Variants in ALPK2 observed in about 807,000 individuals in gnomAD.
The protein encoded by ALPK2 is alpha kinase 2.
In ALPK2, 127 loss-of-function variants were observed where a neutral mutation model predicts 163.1. The observed-to-expected ratio is 0.78, with a 90% CI of 0.67 to 0.90. ALPK2 has a LOEUF of 0.90. Among genes scored for constraint, ALPK2 ranks in the 40% least tolerant of loss-of-function variants. The pLI, the probability that ALPK2 is intolerant of heterozygous loss-of-function variation, is 0.00. For synonymous variants in ALPK2, 953 were observed against 959.1 expected (o/e 0.99, Z 0.12); for missense variants, 2,360 against 2,589.6 (o/e 0.91, Z 1.92).
intron 9 of ALPK2, among the ~76,000 whole-genome samples, chr18:58,516,657 A>G (rs983407143): frequency 2.0e-5 from 3 of 152,196 alleles, no homozygotes; most frequent in Admixed American, 1.3e-4. Context: ...AACAAAATCA[A>G]TTATATCTCG....
rs1262801921 is a variant in ALPK2, at chr18:58,517,301, A to G, written c.5666-119T>C. Reference sequence around the variant, plus strand: ...GACAAGGCTGACCTGCAGAACCAAGAGGGGGCAGACACACTTAACCCTTCA... The same window carrying G: ...GACAAGGCTGACCTGCAGAACCAAGGGGGGGCAGACACACTTAACCCTTCA... On this transcript the variant is annotated intron_variant, in intron 8 of 12. Coordinates refer to ENST00000361673, the MANE Select transcript of ALPK2 (RefSeq NM_052947.4). 20 of 1,031,756 alleles carry G rather than the reference A, an allele frequency of 1.9e-5. No individual in the cohort carries two copies. In the East Asian group the frequency reaches 5.2e-4, roughly 27 times the overall value. 63.9% of individuals were successfully genotyped at this position (1,031,756 alleles called of 1,614,324 possible). A position where few individuals can be genotyped will look rare whatever the true frequency, so the allele number is the denominator to read the frequency against.
At chr18:58,514,970 C>T (rs1375319385) in intron 10 of ALPK2, 23 bp downstream of exon 10, 2 of 1,591,508 alleles carry the variant, frequency 1.3e-6, no homozygotes, top group East Asian at 2.3e-5. Flanking sequence ...GAGTGTGACA[C>T]AAGGCAGGGT....
intron 3 of ALPK2, among the ~76,000 whole-genome samples, chr18:58,597,966 G>A (rs2052049345): frequency 6.6e-6 from 1 of 152,204 alleles, no homozygotes; most frequent in East Asian, 1.9e-4. Flanking sequence ...CAGGAAGAGG[G>A]CCCTTACCAG....
At chr18:58,488,932 A>T (rs1443622736) in intron 12 of ALPK2, among the ~76,000 whole-genome samples, 1 of 152,128 alleles carries the variant, frequency 6.6e-6, no homozygotes, top group African/African-American at 2.4e-5. Flanking sequence ...TTCATTTTTC[A>T]TGTGTACTCA....
chr18:58,608,174 C>T (rs983583026), intron 2 of ALPK2, among the ~76,000 whole-genome samples: 7 of 152,148 alleles, frequency 4.6e-5, no homozygotes, highest in Admixed American at 6.5e-5. Context: ...AAAGTTAGTG[C>T]GTTAGTTATG....
At chr18:58,486,217 A>T (rs1218861079) in intron 12 of ALPK2, among the ~76,000 whole-genome samples, 1 of 152,188 alleles carries the variant, frequency 6.6e-6, no homozygotes, top group Non-Finnish European at 1.5e-5. Context: ...AGCTGGAGTC[A>T]GGCAGCAGAG....
chr18:58,550,244 A>G (rs911182030), intron 4 of ALPK2, among the ~76,000 whole-genome samples: 24 of 138,052 alleles, frequency 1.7e-4, no homozygotes, highest in Non-Finnish European at 3.2e-4. Flanking sequence ...TACAACCCAC[A>G]TTCTGGTGTC....
Position 58,580,424 on chromosome 18 carries a change from C to T in ALPK2, c.352G>A (p.Glu118Lys), listed in dbSNP as rs1220702575. 1 of 1,614,142 alleles carries T rather than the reference C, an allele frequency of 6.2e-7. No homozygotes were observed. The highest frequency in any genetic ancestry group is 1.7e-5 in the Admixed American group (1 of 60,024). ...SENPQLSPNLEDDRDRGWKHE... is the reference protein window; with the variant it reads ...SENPQLSPNLKDDRDRGWKHE... ...TTCCAACCCCTGTCCCTGTCATCTT[C>T]CAGGTTAGGAGACAATTGTGGGTTC... Residue 118 changes from glutamate to lysine, a missense_variant, in exon 4 of 13, where the codon GAA (glutamate) becomes AAA (lysine). Glu to Lys is a moderately conservative substitution (Grantham distance 56, BLOSUM62 1). Coordinates refer to ENST00000361673, the MANE Select transcript of ALPK2 (RefSeq NM_052947.4).
At chr18:58,616,846 C>T (rs2052171866) in intron 1 of ALPK2, among the ~76,000 whole-genome samples, 1 of 152,124 alleles carries the variant, frequency 6.6e-6, no homozygotes, top group African/African-American at 2.4e-5. Flanking sequence ...GGAACCCCAA[C>T]TTGAAGCCAG....
chr18:58,567,956 T>G (rs1027038069), intron 4 of ALPK2, among the ~76,000 whole-genome samples: 4 of 152,150 alleles, frequency 2.6e-5, no homozygotes, highest in Non-Finnish European at 5.9e-5. Flanking sequence ...CTCCGCACCC[T>G]CAAGCTGGCT....
chr18:58,574,951 C>T (rs981782156), intron 4 of ALPK2, among the ~76,000 whole-genome samples: 19 of 152,130 alleles, frequency 1.2e-4, no homozygotes, highest in African/African-American at 3.9e-4. Flanking sequence ...TGGTGGCTCA[C>T]GCCTGTAATC....
At chr18:58,623,006 A>C (rs1194227207) in intron 1 of ALPK2, among the ~76,000 whole-genome samples, 2 of 151,690 alleles carry the variant, frequency 1.3e-5, no homozygotes, top group African/African-American at 4.8e-5. Flanking sequence ...ACCAACCCTG[A>C]GTGTAGTTAA....
chr18:58,627,681 A>T (rs1353890629), intron 1 of ALPK2, among the ~76,000 whole-genome samples: 1 of 152,194 alleles, frequency 6.6e-6, no homozygotes, highest in Admixed American at 6.5e-5. Context: ...TATATTTGGG[A>T]GCTAAAGTTC....
intron 2 of ALPK2, 47 bp from the exon 3 acceptor site, chr18:58,607,486 AG>A (rs762012978): frequency 8.0e-7 from 1 of 1,252,436 alleles, no homozygotes; most frequent in Non-Finnish European, 1.1e-6. Flanking sequence ...AAGTATTTTT[AG>A]GAAAAAAAAA....
At chr18:58,546,803 C>G (rs1019043877) in intron 4 of ALPK2, among the ~76,000 whole-genome samples, 6 of 152,076 alleles carry the variant, frequency 3.9e-5, no homozygotes, top group African/African-American at 1.2e-4. Flanking sequence ...ATGAGAGAGA[C>G]AGAGTGAGCC....
intron 1 of ALPK2, among the ~76,000 whole-genome samples, chr18:58,622,236 A>C (rs2052205807): frequency 6.6e-6 from 1 of 152,084 alleles, no homozygotes; most frequent in South Asian, 2.1e-4. Flanking sequence ...AATCCCAGCC[A>C]CTTGGGAGGC....
chr18:58,557,812 G>C (rs987346207), intron 4 of ALPK2, among the ~76,000 whole-genome samples: 1 of 152,042 alleles, frequency 6.6e-6, no homozygotes, highest in African/African-American at 2.4e-5. Context: ...AATTACAATA[G>C]AGCTGAGTAC....
chr18:58,481,950 C>A lies in ALPK2; in HGVS notation c.6386G>T (p.Gly2129Val), dbSNP rs753325716. 1.5e-5 allele frequency: 25 copies of A among 1,614,166 alleles called. No individual in the cohort carries two copies. The highest frequency in any genetic ancestry group is 2.1e-5 in the Non-Finnish European group (25 of 1,180,038). ...HQCNKYCKML[G>V]LKSLQNNNQK... ...GTTGTTGTTTTGAAGGGATTTCAGTCCCAGCATTTTGCAATACTTGTTACA... is the reference window on the plus strand; with the variant it reads ...GTTGTTGTTTTGAAGGGATTTCAGTACCAGCATTTTGCAATACTTGTTACA... The change falls in exon 13 of 13, where the codon GGA becomes GTA. Residue 2129 changes from glycine (G) to valine (V), a missense_variant. Gly to Val is a moderately radical substitution (Grantham distance 109, BLOSUM62 -3). Transcript: ENST00000361673.
At chr18:58,578,693 C>T in intron 4 of ALPK2, 121 bp downstream of exon 4, 1 of 880,554 alleles carries the variant, frequency 1.1e-6, no homozygotes, top group Non-Finnish European at 1.7e-6. Flanking sequence ...TTTTGATTTA[C>T]ATTATGGTAT....
Sources: gnomAD v4.1 joint callset for allele counts (sites outside exome capture counted in the v4.1 genomes callset) on GRCh38, gnomAD v4.1.1 for gene constraint, MANE v1.5 for transcripts, NCBI Gene and HGNC (gene_info 2026-07-23, HGNC 2026-07-21) for gene names.